Variants in CPEB3 observed in about 807,000 individuals in gnomAD.
CPEB3 encodes the protein cytoplasmic polyadenylation element-binding protein 3.
Under a neutral mutation model 67.2 loss-of-function variants are expected in CPEB3, and 20 were observed. That is an observed-to-expected ratio of 0.30 (90% CI 0.21 to 0.43). The LOEUF (loss-of-function observed/expected upper bound fraction) is 0.43. CPEB3 is among the 20% of genes least tolerant of loss of function. CPEB3 has a pLI of 1.00. For synonymous variants in CPEB3, 376 were observed against 393.1 expected (o/e 0.96, Z 0.51); for missense variants, 746 against 968.6 (o/e 0.77, Z 3.05).
In CPEB3 at chr10:92,049,647, C is replaced by G. The variant is rs1225927025; in HGVS notation, c.*2565G>C. On this transcript the variant is annotated 3_prime_UTR_variant, in exon 10 of 10. Transcript: ENST00000265997. ...CACCATCTATTCACAACTTTCAGCACCAAATGGAGTTTATTTTTTGTAACC... is the reference window on the plus strand; with the variant it reads ...CACCATCTATTCACAACTTTCAGCAGCAAATGGAGTTTATTTTTTGTAACC... 1 of 152,606 alleles carries G rather than the reference C, an allele frequency of 6.6e-6. No individual in the cohort carries two copies. The highest frequency in any genetic ancestry group is 1.9e-4 in the East Asian group (1 of 5,204). 9.5% of individuals were successfully genotyped at this position (152,606 alleles called of 1,614,324 possible).
intron 9 of CPEB3, among the ~76,000 whole-genome samples, chr10:92,060,629 A>C (rs1238317292): frequency 6.6e-6 from 1 of 152,246 alleles, no homozygotes; most frequent in Non-Finnish European, 1.5e-5. Flanking sequence ...CAAGGGATTC[A>C]TAACCAGAAT....
intron 1 of CPEB3, among the ~76,000 whole-genome samples, chr10:92,262,701 T>C (rs942251253): frequency 1.3e-5 from 2 of 152,064 alleles, no homozygotes; most frequent in Non-Finnish European, 2.9e-5. Flanking sequence ...TTTTAAAAAA[T>C]AAATAAATAA....
chr10:92,242,293 C>G (rs1396893368), intron 1 of CPEB3, among the ~76,000 whole-genome samples: 1 of 152,192 alleles, frequency 6.6e-6, no homozygotes, highest in Non-Finnish European at 1.5e-5. Flanking sequence ...ATATACAACA[C>G]AGATTGCCGG....
At position 92,145,130 on chromosome 10, in the gene CPEB3, G is replaced by A. The variant is rs1846617331; in HGVS notation, c.1223-45C>T. ...AGATCGACCTGAAACAAATGTGGGA[G>A]TTTCTATAATTAAAATGATTTTCTA... On this transcript the variant is annotated intron_variant, in intron 4 of 9. Coordinates refer to ENST00000265997, the MANE Select transcript of CPEB3 (RefSeq NM_014912.5). 3 of 1,605,544 alleles carry A rather than the reference G, an allele frequency of 1.9e-6. No individual in the cohort carries two copies. The East Asian group carries it at 6.7e-5, about 36-fold the overall frequency.
chr10:92,134,917 G>T (rs952786076), intron 6 of CPEB3, among the ~76,000 whole-genome samples: 4 of 151,982 alleles, frequency 2.6e-5, no homozygotes, highest in Admixed American at 2.6e-4. Context: ...ATGGGGAAAG[G>T]ATTCCCTATT....
chr10:92,214,062 C>A (rs1412190572), intron 2 of CPEB3, among the ~76,000 whole-genome samples: 1 of 152,144 alleles, frequency 6.6e-6, no homozygotes, highest in Non-Finnish European at 1.5e-5. Context: ...TCATTTTCCA[C>A]CAAATAGTCA....
chr10:92,152,333 G>A (rs796401648), intron 4 of CPEB3, among the ~76,000 whole-genome samples: 9 of 152,210 alleles, frequency 5.9e-5, no homozygotes, highest in African/African-American at 1.4e-4. Context: ...ACTAATCTCC[G>A]TTTTGTCTCA....
intron 4 of CPEB3, among the ~76,000 whole-genome samples, chr10:92,155,369 AT>A (rs887901689): frequency 1.3e-5 from 2 of 152,204 alleles, no homozygotes; most frequent in Non-Finnish European, 2.9e-5. Flanking sequence ...GAGGAAAGGG[AT>A]CAAACATTAA....
intron 1 of CPEB3, among the ~76,000 whole-genome samples, chr10:92,244,484 C>T (rs1375997562): frequency 6.6e-6 from 1 of 151,384 alleles, no homozygotes; most frequent in Non-Finnish European, 1.5e-5. Context: ...GTTGCCTAGG[C>T]TGGAGTACAG....
At chr10:92,289,718 C>CAAAAA (rs749285662) in intron 1 of CPEB3, among the ~76,000 whole-genome samples, 671 of 30,900 alleles carry the variant, frequency 0.022, 71 homozygotes, top group Non-Finnish European at 0.025. Flanking sequence ...GCGTCTCTAC[C>CAAAAA]AAAAAAAAAA....
chr10:92,231,531 C>T (rs1383485238), intron 2 of CPEB3, among the ~76,000 whole-genome samples: 1 of 152,068 alleles, frequency 6.6e-6, no homozygotes, highest in Non-Finnish European at 1.5e-5. Flanking sequence ...CCACTCCATC[C>T]CTCCATTTTC....
At chr10:92,221,797 G>A (rs1850711968) in intron 2 of CPEB3, among the ~76,000 whole-genome samples, 1 of 152,116 alleles carries the variant, frequency 6.6e-6, no homozygotes, top group Admixed American at 6.6e-5. Context: ...AGAATGGGCA[G>A]TACAATGAGA....
At chr10:92,065,615 C>T (rs1842516907) in intron 9 of CPEB3, among the ~76,000 whole-genome samples, 1 of 152,100 alleles carries the variant, frequency 6.6e-6, no homozygotes, top group South Asian at 2.1e-4. Flanking sequence ...TTTTTTTAGA[C>T]ACATTCCTGA....
chr10:92,080,859 A>G (rs1035401030), intron 9 of CPEB3, among the ~76,000 whole-genome samples: 3 of 152,156 alleles, frequency 2.0e-5, no homozygotes, highest in African/African-American at 7.2e-5. Context: ...TCGGCCTCCC[A>G]GAGTGCTGGG....
At chr10:92,086,373 T>A (rs1843372877) in intron 8 of CPEB3, among the ~76,000 whole-genome samples, 2 of 152,198 alleles carry the variant, frequency 1.3e-5, no homozygotes, top group Admixed American at 1.3e-4. Context: ...CTGCATCAGA[T>A]ATGTTGGGAA....
intron 2 of CPEB3, among the ~76,000 whole-genome samples, chr10:92,217,235 T>TTA (rs1220387438): frequency 0.025 from 2,835 of 115,538 alleles, 68 homozygotes; most frequent in African/African-American, 0.038. Context: ...AAAAAAAAAA[T>TTA]TATATATATA....
Position 92,050,215 on chromosome 10 carries a change from A to G in CPEB3, c.*1997T>C, listed in dbSNP as rs1841854951. ...ACACCTGGGCTGGAAAAAAGCAATT[A>G]TTACCAAAAAGCCTCAAAAAGGGGA... On this transcript the variant is annotated 3_prime_UTR_variant, in exon 10 of 10. Coordinates refer to ENST00000265997, the MANE Select transcript of CPEB3 (RefSeq NM_014912.5). The G allele has an allele frequency of 6.6e-6, 1 of 152,582 alleles. No individual in the cohort carries two copies. The highest frequency in any genetic ancestry group is 1.5e-5 in the Non-Finnish European group (1 of 68,036). 9.5% of individuals were successfully genotyped at this position (152,582 alleles called of 1,614,324 possible).
chr10:92,231,155 A>G (rs1175619545), intron 2 of CPEB3, among the ~76,000 whole-genome samples: 1 of 152,162 alleles, frequency 6.6e-6, no homozygotes, highest in Admixed American at 6.6e-5. Context: ...CATTAGTGTG[A>G]CATGTCTATA....
intron 4 of CPEB3, among the ~76,000 whole-genome samples, chr10:92,179,703 G>A (rs1294059980): frequency 1.3e-5 from 2 of 152,120 alleles, no homozygotes; most frequent in Non-Finnish European, 2.9e-5. Flanking sequence ...CAAAAGGCAG[G>A]GATACTAGCA....
Sources: allele counts gnomAD v4.1 joint callset (sites outside exome capture counted in the v4.1 genomes callset), GRCh38; gene constraint gnomAD v4.1.1; transcripts MANE v1.5; gene names NCBI Gene and HGNC (gene_info 2026-07-23, HGNC 2026-07-21).